The following DPP6 variants were observed in gnomAD, a reference collection of about 807,000 sequenced individuals.
DPP6 encodes the protein dipeptidyl peptidase like 6.
DPP6 carries 69 observed loss-of-function variants against 122.6 expected under a neutral mutation model. The ratio of observed to expected loss-of-function variants is 0.56; its 90% CI spans 0.46 to 0.69. DPP6 has a LOEUF of 0.69. Among genes scored for constraint, DPP6 ranks in the 30% least tolerant of loss-of-function variants. The probability of loss-of-function intolerance (pLI) is 0.00; values close to 1 mark genes in which losing one functional copy is unlikely to be tolerated. For missense variants in DPP6, 928 were observed against 1,116.9 expected (o/e 0.83, Z 2.41); for synonymous variants, 418 against 433.1 (o/e 0.97, Z 0.43).
intron 1 of DPP6, among the ~76,000 whole-genome samples, chr7:154,302,730 G>A (rs936164474): frequency 6.6e-6 from 1 of 152,230 alleles, no homozygotes; most frequent in Non-Finnish European, 1.5e-5. Context: ...GAAGGAAAAT[G>A]GGATGCACCC....
At chr7:154,879,607 A>C (rs1286178837) in intron 20 of DPP6, among the ~76,000 whole-genome samples, 1 of 151,264 alleles carries the variant, frequency 6.6e-6, no homozygotes, top group Non-Finnish European at 1.5e-5. Flanking sequence ...AAAAAAAAAA[A>C]AAACACAAAA....
intron 1 of DPP6, chr7:154,094,569 A>G (rs1805185618): frequency 6.6e-6 from 1 of 152,234 alleles, no homozygotes; most frequent in Non-Finnish European, 1.5e-5. Flanking sequence ...TGGAGAGGGT[A>G]TAAAATTCTC....
intron 2 of DPP6, among the ~76,000 whole-genome samples, chr7:154,460,545 T>C (rs1821208610): frequency 6.6e-6 from 1 of 152,218 alleles, no homozygotes; most frequent in African/African-American, 2.4e-5. Context: ...AGAAGCATGC[T>C]TAAAAGACTT....
chr7:153,932,214 G>A (rs577498104), intron 1 of DPP6, among the ~76,000 whole-genome samples: 10 of 150,168 alleles, frequency 6.7e-5, no homozygotes, highest in African/African-American at 2.4e-5. Flanking sequence ...TCCACCTCCC[G>A]GGTTCAAGCA....
intron 1 of DPP6, among the ~76,000 whole-genome samples, chr7:153,967,269 A>AG (rs948641678): frequency 6.6e-6 from 1 of 152,004 alleles, no homozygotes; most frequent in Non-Finnish European, 1.5e-5. Flanking sequence ...GTCATATTCC[A>AG]GGTCCAATGC....
rs189896023 is a variant in DPP6, at chr7:154,798,499, A to G, written c.1299+2616A>G. 5.2e-4 allele frequency among the ~76,000 whole-genome samples: 80 copies of G among 152,392 alleles called. 1 individual carries two copies. Among genetic ancestry groups the G allele is most frequent in the Middle Eastern group, 3.4e-3 (1 of 294 alleles). On this transcript the variant is annotated intron_variant, in intron 12 of 25. Coordinates refer to ENST00000377770, the MANE Select transcript of DPP6 (RefSeq NM_130797.4). ...AGTTTAAAGCATTTACTAAGCACAC[A>G]GCTAAATTTTTAAAATAGCTGCTTA... is the stretch of plus-strand genomic sequence containing the variant.
chr7:154,487,908 A>G (rs1021513476), intron 3 of DPP6, among the ~76,000 whole-genome samples: 1 of 152,162 alleles, frequency 6.6e-6, no homozygotes, highest in Non-Finnish European at 1.5e-5. Flanking sequence ...TTTTGCCCAC[A>G]GCATGTCTCA....
intron 8 of DPP6, among the ~76,000 whole-genome samples, chr7:154,742,491 T>TA (rs1405949858): frequency 5.3e-5 from 8 of 152,246 alleles, no homozygotes; most frequent in African/African-American, 1.9e-4. Flanking sequence ...AGTTCATTCC[T>TA]AAAATCCAAA....
chr7:154,707,423 C>A (rs1018326876), intron 7 of DPP6, among the ~76,000 whole-genome samples: 2 of 152,064 alleles, frequency 1.3e-5, no homozygotes, highest in African/African-American at 2.4e-5. Flanking sequence ...ATGAAAGAAC[C>A]AAGCATTCTG....
At position 154,486,170 on chromosome 7, in the gene DPP6, A is replaced by G. The variant is rs185004231; in HGVS notation, c.457+11133A>G. On this transcript the variant is annotated intron_variant, in intron 3 of 25. Coordinates refer to ENST00000377770, the MANE Select transcript of DPP6 (RefSeq NM_130797.4). This position sits in a 1 kb window ranked among gnomAD's most constrained non-coding sequence, Gnocchi z 4.5. ...TTTTTTTGAGATGGAGTCTCACTCT[A>G]TCGCCCAGGCTGGAGTGCAGTGGCA... 4.7e-5 allele frequency among the ~76,000 whole-genome samples: 7 copies of G among 149,916 alleles called. No homozygotes were observed. The highest frequency in any genetic ancestry group is 1.3e-4 in the Admixed American group (2 of 15,054).
At chr7:153,895,206 A>G (rs1434155095) in intron 1 of DPP6, among the ~76,000 whole-genome samples, 1 of 152,116 alleles carries the variant, frequency 6.6e-6, no homozygotes, top group African/African-American at 2.4e-5. Context: ...CCCCCCGAAA[A>G]GTTATTACAA....
chr7:154,045,122 G>A (rs1393780470), intron 1 of DPP6, among the ~76,000 whole-genome samples: 3 of 149,592 alleles, frequency 2.0e-5, no homozygotes, highest in South Asian at 2.2e-4. Context: ...GTTCAAGGGC[G>A]AAACAGCATC....
At chr7:153,864,074 T>A in the DPP6 span, among the ~76,000 whole-genome samples, 4 of 152,152 alleles carry the variant, frequency 2.6e-5, no homozygotes, top group Non-Finnish European at 5.9e-5. Context: ...TGGGCATGTG[T>A]TTTCATTTCT....
intron 1 of DPP6, among the ~76,000 whole-genome samples, chr7:153,896,556 G>A (rs1309763212): frequency 6.6e-6 from 1 of 152,134 alleles, no homozygotes; most frequent in Non-Finnish European, 1.5e-5. Context: ...TGTAATCTCA[G>A]CACTTTGGGA....
intron 1 of DPP6, among the ~76,000 whole-genome samples, chr7:154,157,873 C>T (rs1274525629): frequency 2.6e-5 from 4 of 151,676 alleles, no homozygotes; most frequent in East Asian, 1.9e-4. Context: ...GCAGAGGTTG[C>T]GGTGAGCTGA....
intron 1 of DPP6, among the ~76,000 whole-genome samples, chr7:154,086,646 T>C (rs1248539134): frequency 7.1e-6 from 1 of 141,252 alleles, no homozygotes; most frequent in African/African-American, 2.6e-5. Context: ...TGAGATGGAG[T>C]CTCGCTCTGT....
intron 1 of DPP6, among the ~76,000 whole-genome samples, chr7:154,091,087 C>T (rs916193945): frequency 1.3e-5 from 2 of 150,724 alleles, no homozygotes; most frequent in Admixed American, 6.6e-5. Flanking sequence ...CGCCACTGCA[C>T]TCCAGCTTGG....
At chr7:154,397,584 A>G (rs1815199671) in intron 1 of DPP6, among the ~76,000 whole-genome samples, 1 of 152,220 alleles carries the variant, frequency 6.6e-6, no homozygotes, top group Admixed American at 6.5e-5. Context: ...ATGACCCACA[A>G]TAAATCATAT....
At chr7:154,388,409 A>G (rs1043996563) in intron 1 of DPP6, among the ~76,000 whole-genome samples, 2 of 152,196 alleles carry the variant, frequency 1.3e-5, no homozygotes, top group Admixed American at 6.5e-5. Context: ...GTAGTTTCCA[A>G]ATTTAATCAT....
Sources: allele counts gnomAD v4.1 joint callset (sites outside exome capture counted in the v4.1 genomes callset), GRCh38; gene constraint gnomAD v4.1.1; non-coding constraint Gnocchi (gnomAD v3.1); transcripts MANE v1.5; gene names NCBI Gene and HGNC (gene_info 2026-07-23, HGNC 2026-07-21).